Variants in ADARB2 observed in about 807,000 individuals in gnomAD.
ADARB2 encodes adenosine deaminase RNA specific B2 (inactive).
A neutral mutation model predicts 62.2 loss-of-function variants in ADARB2; 25 were observed. The ratio of observed to expected loss-of-function variants is 0.40; its 90% CI spans 0.29 to 0.56. ADARB2 has a LOEUF of 0.56. Among genes scored for constraint, ADARB2 ranks in the 20% least tolerant of loss-of-function variants. The probability of loss-of-function intolerance (pLI) is 0.43; values close to 1 mark genes in which losing one functional copy is unlikely to be tolerated. For synonymous variants in ADARB2, 572 were observed against 500.8 expected (o/e 1.14, Z -1.90); for missense variants, 1,071 against 1,077.4 (o/e 0.99, Z 0.08).
At chr10:1,184,328 T>C (rs751914776) in intron 9 of ADARB2, among the ~76,000 whole-genome samples, 2 of 152,192 alleles carry the variant, frequency 1.3e-5, no homozygotes, top group Non-Finnish European at 2.9e-5. Context: ...CAGATACAGA[T>C]TTTGATTTAA....
intron 1 of ADARB2, among the ~76,000 whole-genome samples, chr10:1,703,400 G>T (rs1834848630): frequency 6.6e-6 from 1 of 152,166 alleles, no homozygotes; most frequent in Admixed American, 6.5e-5. Context: ...AAGGCTTGGA[G>T]CCTGGATGCT....
At chr10:1,391,690 G>A (rs1832571854) in intron 1 of ADARB2, among the ~76,000 whole-genome samples, 1 of 151,196 alleles carries the variant, frequency 6.6e-6, no homozygotes, top group South Asian at 2.1e-4. Context: ...ACTTATTCAT[G>A]TGAAATAACA....
At position 1,507,638 on chromosome 10, in the gene ADARB2, C is replaced by T. The variant is rs569320241; in HGVS notation, c.101-128478G>A. Among the ~76,000 whole-genome samples the T allele has an allele frequency of 3.9e-5, 6 of 152,086 alleles. 1 individual carries two copies. The highest frequency in any genetic ancestry group is 1.2e-4 in the African/African-American group (5 of 41,486). On this transcript the variant is annotated intron_variant, in intron 1 of 9. Transcript: ENST00000381312. ...ACCAGTGTAGCTCCTGTGTGGGCAC[C>T]GGCTCAGGACGAGAGACAGGCCGAG...
At position 1,282,961 on chromosome 10, in the gene ADARB2, C is replaced by T. The variant is rs567493186; in HGVS notation, c.1078-11892G>A. Among the ~76,000 whole-genome samples the T allele has an allele frequency of 3.9e-5, 6 of 152,262 alleles. No individual in the cohort carries two copies. In the East Asian group the frequency reaches 7.7e-4, roughly 20 times the overall value. On this transcript the variant is annotated intron_variant, in intron 3 of 9. Coordinates refer to ENST00000381312, the MANE Select transcript of ADARB2 (RefSeq NM_018702.4). ...CACCTTCCCATCATATCTTTCAATT[C>T]GGTGCCTACGTCAGAAGCTCTACAG... is the stretch of plus-strand genomic sequence containing the variant.
chr10:1,315,325 G>T (rs1831728906), intron 3 of ADARB2, among the ~76,000 whole-genome samples: 1 of 152,216 alleles, frequency 6.6e-6, no homozygotes, highest in African/African-American at 2.4e-5. Flanking sequence ...TGGCTTCCAA[G>T]GTTTCCGCCT....
chr10:1,607,864 C>A (rs1025181691), intron 1 of ADARB2, among the ~76,000 whole-genome samples: 1 of 152,218 alleles, frequency 6.6e-6, no homozygotes, highest in Non-Finnish European at 1.5e-5. Context: ...CTCGCATGAA[C>A]TTTAAGTGGA....
chr10:1,510,096 T>TTTCTTTCTCTCTTTCTTTCTTTCTTTC (rs1564312412), intron 1 of ADARB2, among the ~76,000 whole-genome samples: 3 of 124,756 alleles, frequency 2.4e-5, no homozygotes, highest in Admixed American at 1.9e-4. Context: ...TCTCTCTCTC[T>TTTCTTTCTCTCTTTCTTTCTTTCTTTC]TTTCTTTCTT....
chr10:1,475,313 G>T (rs928270908), intron 1 of ADARB2, among the ~76,000 whole-genome samples: 1 of 152,216 alleles, frequency 6.6e-6, no homozygotes, highest in Non-Finnish European at 1.5e-5. Flanking sequence ...CAGTGTATCT[G>T]CGCACCTTTT....
Position 1,326,800 on chromosome 10 carries a change from C to T in ADARB2, c.1077+36228G>A, listed in dbSNP as rs1296268038. On this transcript the variant is annotated intron_variant, in intron 3 of 9. Transcript: ENST00000381312. Reference sequence around the variant, plus strand: ...CCCCTCCTCACTGCCCAGCGCCTCCCCACGGCCCAGCGCCTCCCCACGGCC... The same window carrying T: ...CCCCTCCTCACTGCCCAGCGCCTCCTCACGGCCCAGCGCCTCCCCACGGCC... 1.2e-3 allele frequency among the ~76,000 whole-genome samples: 155 copies of T among 126,326 alleles called. 13 individuals carry two copies. Among genetic ancestry groups the T allele is most frequent in the African/African-American group, 4.1e-3 (124 of 30,596 alleles). The allele number at this position is 126,326 out of a possible 152,430, so 82.9% of individuals were successfully genotyped here. A position where few individuals can be genotyped will look rare whatever the true frequency, so the allele number is the denominator to read the frequency against.
At chr10:1,678,673 G>A (rs993151097) in intron 1 of ADARB2, among the ~76,000 whole-genome samples, 3 of 152,074 alleles carry the variant, frequency 2.0e-5, no homozygotes, top group Non-Finnish European at 4.4e-5. Flanking sequence ...ACAGCCAGGG[G>A]CCCAGTTCTT....
rs1174489547 is a variant in ADARB2, at chr10:1,322,064, G to GGTGGTC, written c.1077+40963_1077+40964insGACCAC. Among the ~76,000 whole-genome samples, 190 of 152,274 alleles carry GGTGGTC rather than the reference G, an allele frequency of 1.2e-3. 2 individuals carry two copies. Among genetic ancestry groups the GGTGGTC allele is most frequent in the African/African-American group, 4.4e-3 (181 of 41,554 alleles). On this transcript the variant is annotated intron_variant, in intron 3 of 9. Transcript: ENST00000381312. ...TCTGACCACCCAGCCCTGGACTCAG[G>GGTGGTC]AGACACCAGTTGGTACCTGGTGATA...
At chr10:1,718,070 G>A (rs1835044046) in intron 1 of ADARB2, among the ~76,000 whole-genome samples, 1 of 152,108 alleles carries the variant, frequency 6.6e-6, no homozygotes, top group African/African-American at 2.4e-5. Flanking sequence ...AAGGAAGGGA[G>A]GGAAGGAGGG....
chr10:1,282,012 A>T (rs1417842331), intron 3 of ADARB2, among the ~76,000 whole-genome samples: 2 of 152,238 alleles, frequency 1.3e-5, no homozygotes, highest in Non-Finnish European at 2.9e-5. Context: ...TTTGATATTT[A>T]ACCAGCGTGA....
chr10:1,591,551 A>C (rs1019381601), intron 1 of ADARB2, among the ~76,000 whole-genome samples: 2 of 151,988 alleles, frequency 1.3e-5, no homozygotes, highest in African/African-American at 4.8e-5. Flanking sequence ...CCCTGTCTTC[A>C]GTGTCTGTGC....
chr10:1,448,948 G>GCA (rs1490776712), intron 1 of ADARB2, among the ~76,000 whole-genome samples: 1 of 152,136 alleles, frequency 6.6e-6, no homozygotes, highest in Admixed American at 6.5e-5. Flanking sequence ...ACCACCCTGT[G>GCA]CACACTGCAC....
chr10:1,482,951 A>T (rs1831491425), intron 1 of ADARB2, among the ~76,000 whole-genome samples: 1 of 152,198 alleles, frequency 6.6e-6, no homozygotes, highest in Non-Finnish European at 1.5e-5. Context: ...TTTGTAGCTC[A>T]ACTTGTAAAT....
At chr10:1,380,799 A>G (rs571022509) in intron 1 of ADARB2, among the ~76,000 whole-genome samples, 7 of 152,370 alleles carry the variant, frequency 4.6e-5, no homozygotes, top group African/African-American at 1.7e-4. Context: ...ATTTACTACC[A>G]GAGAATGAAA....
intron 3 of ADARB2, among the ~76,000 whole-genome samples, chr10:1,330,113 T>G (rs1831915229): frequency 6.6e-6 from 1 of 152,046 alleles, no homozygotes; most frequent in Non-Finnish European, 1.5e-5. Flanking sequence ...CCACGTTCTT[T>G]TGTGTGTAAG....
intron 3 of ADARB2, among the ~76,000 whole-genome samples, chr10:1,334,977 G>T (rs1831960104): frequency 1.3e-5 from 2 of 152,076 alleles, no homozygotes; most frequent in African/African-American, 4.8e-5. Flanking sequence ...AATCATGTGG[G>T]GCCCTTGTTA....
Sources: allele counts gnomAD v4.1 joint callset (sites outside exome capture counted in the v4.1 genomes callset), GRCh38; gene constraint gnomAD v4.1.1; transcripts MANE v1.5; gene names NCBI Gene and HGNC (gene_info 2026-07-23, HGNC 2026-07-21).